ARFGEF1: variants seen among roughly 807,000 people sequenced by gnomAD.
ARFGEF1 encodes brefeldin A-inhibited guanine nucleotide-exchange protein 1.
A neutral mutation model predicts 231.0 loss-of-function variants in ARFGEF1; 42 were observed. The observed-to-expected ratio is 0.18, with a 90% CI of 0.14 to 0.24. The LOEUF is 0.24. ARFGEF1 is among the 10% of genes least tolerant of loss of function. The probability of loss-of-function intolerance (pLI) is 1.00; values close to 1 mark genes in which losing one functional copy is unlikely to be tolerated. For missense variants in ARFGEF1, 1,345 were observed against 2,192.0 expected (o/e 0.61, Z 7.72); for synonymous variants, 710 against 732.3 (o/e 0.97, Z 0.49).
At chr8:67,199,258 T>G (rs1446956132) in intron 38 of ARFGEF1, 160 bp from the exon 39 acceptor site, 1 of 719,954 alleles carries the variant, frequency 1.4e-6, no homozygotes, top group African/African-American at 1.9e-5. Context: ...ACAGAAGTGT[T>G]AGAAAAACTC....
intron 20 of ARFGEF1, among the ~76,000 whole-genome samples, 182 bp downstream of exon 20, chr8:67,239,980 T>C (rs1211656284): frequency 6.6e-6 from 1 of 152,228 alleles, no homozygotes; most frequent in Non-Finnish European, 1.5e-5. Flanking sequence ...CAGATCAGTA[T>C]AGAACTACCC....
chr8:67,218,613 A>G (rs891208259), intron 30 of ARFGEF1, among the ~76,000 whole-genome samples: 1 of 152,154 alleles, frequency 6.6e-6, no homozygotes, highest in Non-Finnish European at 1.5e-5. Context: ...CCATAAAAAA[A>G]GGGCTATACA....
At chr8:67,258,991 C>T (rs1000193452) in intron 15 of ARFGEF1, among the ~76,000 whole-genome samples, 1 of 152,110 alleles carries the variant, frequency 6.6e-6, no homozygotes, top group Non-Finnish European at 1.5e-5. Context: ...ATATACTCTA[C>T]TCCCATATCT....
rs369265582 is a variant in ARFGEF1 at position 67,200,548 on chromosome 8, C to G, written c.5268-35G>C. The G allele has an allele frequency of 1.2e-5, 16 of 1,295,270 alleles. No individual in the cohort carries two copies. In the African/African-American group the frequency reaches 2.2e-4, roughly 18 times the overall value. The allele number at this position is 1,295,270 out of a possible 1,614,324, so 80.2% of individuals were successfully genotyped here. A position where few individuals can be genotyped will look rare whatever the true frequency, so the allele number is the denominator to read the frequency against. On this transcript the variant is annotated intron_variant, in intron 37 of 38. Coordinates refer to ENST00000262215, the MANE Select transcript of ARFGEF1 (RefSeq NM_006421.5). ...AAAAGGTTTCCTTTAATGTTACTTGCGTATCTACTGGTCCCCATATTCACC... is the reference window on the plus strand; with the variant it reads ...AAAAGGTTTCCTTTAATGTTACTTGGGTATCTACTGGTCCCCATATTCACC...
rs1839889925 is a variant in ARFGEF1 at position 67,240,279 on chromosome 8, C to T, written c.2862G>A (p.Thr954=). 6.3e-6 allele frequency: 10 copies of T among 1,590,024 alleles called. No homozygotes were observed. Among genetic ancestry groups the T allele is most frequent in the African/African-American group, 1.4e-5 (1 of 73,438 alleles). Residue 954 remains threonine (T), a synonymous_variant, in exon 20 of 39, where the codon ACG becomes ACA. Coordinates refer to ENST00000262215, the MANE Select transcript of ARFGEF1 (RefSeq NM_006421.5). ...HVRPMFKLAW[T]PFLAAFSVGL... is the part of the protein sequence containing the mutation. ...CCACACTGAATGCAGCCAGAAAAGG[C>T]GTCCAAGCCAACTACAAAAATTAAA...
intron 14 of ARFGEF1, among the ~76,000 whole-genome samples, chr8:67,262,591 G>T (rs1804681782): frequency 6.6e-6 from 1 of 152,138 alleles, no homozygotes; most frequent in African/African-American, 2.4e-5. Flanking sequence ...ATGCTACAGA[G>T]AAATCTTTCG....
intron 15 of ARFGEF1, among the ~76,000 whole-genome samples, chr8:67,259,078 C>T (rs925682866): frequency 3.3e-5 from 5 of 152,090 alleles, no homozygotes; most frequent in African/African-American, 4.8e-5. Context: ...AAAAAAAGTT[C>T]GTACATGTTC....
At chr8:67,201,742 G>A (rs1405619987) in intron 36 of ARFGEF1, 137 bp from the exon 37 acceptor site, 5 of 1,127,194 alleles carry the variant, frequency 4.4e-6, no homozygotes, top group Non-Finnish European at 6.4e-6. Flanking sequence ...ACAGCAGCCT[G>A]ATGTGAAGGT....
intron 7 of ARFGEF1, among the ~76,000 whole-genome samples, chr8:67,282,310 A>T (rs1489631745): frequency 1.3e-5 from 2 of 152,164 alleles, no homozygotes; most frequent in African/African-American, 4.8e-5. Flanking sequence ...TTTCAAATTA[A>T]TTGAGAAATG....
Position 67,227,127 on chromosome 8 carries a change from G to C in ARFGEF1, c.3916+10C>G. The C allele has an allele frequency of 1.9e-6, 3 of 1,606,538 alleles. No homozygotes were observed. The highest frequency in any genetic ancestry group is 2.7e-5 in the African/African-American group (2 of 74,546). ...TCCTTTTACTTGAACACAGCTAAGA[G>C]AATACTCACTGACAATGTGCCCGGT... On this transcript the variant is annotated intron_variant, in intron 27 of 38. Coordinates refer to ENST00000262215, the MANE Select transcript of ARFGEF1 (RefSeq NM_006421.5).
chr8:67,248,708 T>C (rs1345517545), intron 19 of ARFGEF1, among the ~76,000 whole-genome samples: 1 of 150,392 alleles, frequency 6.6e-6, no homozygotes, highest in Non-Finnish European at 1.5e-5. Context: ...TCCCACAGAA[T>C]AGTGGTTCTC....
chr8:67,257,223 G>A (rs566214085), intron 17 of ARFGEF1, among the ~76,000 whole-genome samples: 1 of 152,070 alleles, frequency 6.6e-6, no homozygotes, highest in Non-Finnish European at 1.5e-5. Flanking sequence ...TGGGACCACA[G>A]GCACATGCCA....
At chr8:67,177,777 CT>C in intron 5 of ARFGEF1, 1 of 1,253,740 alleles carries the variant, frequency 8.0e-7, no homozygotes, top group Non-Finnish European at 1.2e-6. Context: ...GATTAAAAAT[CT>C]TTAGGCATAT....
chr8:67,234,765 T>C (rs999889501), intron 22 of ARFGEF1, among the ~76,000 whole-genome samples: 15 of 152,100 alleles, frequency 9.9e-5, no homozygotes, highest in Non-Finnish European at 2.1e-4. Context: ...ACACTGATAA[T>C]ATCTGGAGAA....
chr8:67,185,115 AAAC>A (rs1232254273), intron 5 of ARFGEF1, among the ~76,000 whole-genome samples: 4 of 149,966 alleles, frequency 2.7e-5, no homozygotes, highest in South Asian at 2.1e-4. Context: ...AAAAAAAAAA[AAAC>A]AAAAACAAAC....
intron 1 of ARFGEF1, among the ~76,000 whole-genome samples, chr8:67,340,692 T>C (rs1168275862): frequency 6.6e-6 from 1 of 152,210 alleles, no homozygotes; most frequent in East Asian, 1.9e-4. Context: ...GGAGGCTAAA[T>C]GTAACTTTAC....
downstream of ARFGEF1, chr8:67,197,526 T>C: frequency 1.2e-5 from 9 of 732,464 alleles, no homozygotes; most frequent in Non-Finnish European, 1.5e-5. Context: ...GAGGATCTAA[T>C]GCTAGAAGCT....
chr8:67,200,561 C>A, intron 37 of ARFGEF1, 48 bp from the exon 38 acceptor site: 1 of 1,157,580 alleles, frequency 8.6e-7, no homozygotes, highest in South Asian at 1.3e-5. Flanking sequence ...ATCTACTGGT[C>A]CCCATATTCA....
intron 36 of ARFGEF1, among the ~76,000 whole-genome samples, chr8:67,202,114 C>A (rs1389460608): frequency 6.6e-6 from 1 of 152,190 alleles, no homozygotes; most frequent in Non-Finnish European, 1.5e-5. Flanking sequence ...GAGAATGGCA[C>A]AGCTGTTTCA....
Sources: allele counts gnomAD v4.1 joint callset (sites outside exome capture counted in the v4.1 genomes callset), GRCh38; gene constraint gnomAD v4.1.1; transcripts MANE v1.5; gene names NCBI Gene and HGNC (gene_info 2026-07-23, HGNC 2026-07-21).